DPP10: variants seen among roughly 807,000 people sequenced by gnomAD.
DPP10 encodes the protein dipeptidyl peptidase like 10.
DPP10 carries 33 observed loss-of-function variants against 120.9 expected under a neutral mutation model. The observed-to-expected ratio is 0.27, with a 90% CI of 0.21 to 0.37. The LOEUF is 0.37. Ranked by LOEUF, DPP10 falls within the 10% of genes least tolerant of loss-of-function variation. The pLI is 1.00. For missense variants in DPP10, 816 were observed against 942.8 expected (o/e 0.87, Z 1.76); for synonymous variants, 337 against 326.1 (o/e 1.03, Z -0.36).
chr2:115,648,650 T>G (rs954883320), intron 5 of DPP10, among the ~76,000 whole-genome samples: 1 of 152,044 alleles, frequency 6.6e-6, no homozygotes, highest in African/African-American at 2.4e-5. Context: ...GTAGACAATT[T>G]TTGTCAATTG....
At chr2:115,152,796 C>G (rs1253667145) in intron 1 of DPP10, among the ~76,000 whole-genome samples, 1 of 152,148 alleles carries the variant, frequency 6.6e-6, no homozygotes, top group Admixed American at 6.5e-5. Context: ...TGACATAGAC[C>G]TGCTAAGAAC....
chr2:115,648,911 T>G (rs1277250250), intron 5 of DPP10, among the ~76,000 whole-genome samples: 1 of 152,034 alleles, frequency 6.6e-6, no homozygotes, highest in African/African-American at 2.4e-5. Flanking sequence ...CTTAATAGAT[T>G]AATGGAGTAG....
At chr2:115,790,928 A>G (rs147036740) in intron 17 of DPP10, among the ~76,000 whole-genome samples, 153 bp from the exon 18 acceptor site, 2 of 152,240 alleles carry the variant, frequency 1.3e-5, no homozygotes, top group African/African-American at 4.8e-5. Flanking sequence ...AAGCTTACTT[A>G]GAAAACTGTT....
chr2:115,177,850 G>A (rs1221715213), intron 1 of DPP10, among the ~76,000 whole-genome samples: 2 of 151,976 alleles, frequency 1.3e-5, no homozygotes, highest in African/African-American at 2.4e-5. Context: ...TGCAAGCTCC[G>A]CCTGCCAGGT....
At chr2:114,733,687 G>A (rs944701278) in intron 1 of DPP10, among the ~76,000 whole-genome samples, 12 of 152,082 alleles carry the variant, frequency 7.9e-5, no homozygotes, top group African/African-American at 2.9e-4. Context: ...TGTTTTAGAT[G>A]ACTGATAGTG....
intron 1 of DPP10, among the ~76,000 whole-genome samples, chr2:114,557,452 C>T (rs759406430): frequency 2.0e-5 from 3 of 152,164 alleles, no homozygotes; most frequent in South Asian, 2.1e-4. Flanking sequence ...GAGACCAACA[C>T]GCCATCTTTC....
chr2:115,509,108 A>G (rs1209227796), intron 4 of DPP10, among the ~76,000 whole-genome samples: 1 of 152,090 alleles, frequency 6.6e-6, no homozygotes, highest in Admixed American at 6.6e-5. Flanking sequence ...TAAATTTTCA[A>G]AAATGATCAG....
intron 1 of DPP10, among the ~76,000 whole-genome samples, chr2:114,893,519 C>T (rs1008132728): frequency 9.2e-5 from 14 of 151,844 alleles, no homozygotes; most frequent in African/African-American, 3.4e-4. Flanking sequence ...ACAGGTATAC[C>T]AAGGGGAAGA....
At chr2:115,805,583 T>TA (rs959293393) in intron 19 of DPP10, among the ~76,000 whole-genome samples, 18 of 151,376 alleles carry the variant, frequency 1.2e-4, no homozygotes, top group Admixed American at 9.9e-4. Context: ...CCATTTTTTT[T>TA]TTTTTTTTGA....
intron 1 of DPP10, among the ~76,000 whole-genome samples, chr2:114,634,162 G>A (rs1288495376): frequency 3.3e-5 from 5 of 151,810 alleles, no homozygotes; most frequent in Non-Finnish European, 5.9e-5. Context: ...TAAACCAAAT[G>A]AATTGATAAA....
chr2:115,285,800 G>C (rs1385830926), intron 1 of DPP10, among the ~76,000 whole-genome samples: 2 of 151,968 alleles, frequency 1.3e-5, no homozygotes, highest in African/African-American at 4.8e-5. Context: ...AATTACATTA[G>C]AGCTGCTTCT....
At chr2:114,705,097 T>C (rs2105835765) in intron 1 of DPP10, among the ~76,000 whole-genome samples, 1 of 152,274 alleles carries the variant, frequency 6.6e-6, no homozygotes, top group South Asian at 2.1e-4. Context: ...TATTATGTTA[T>C]GGTAGCCTGA....
At chr2:114,699,704 C>T (rs1436757604) in intron 1 of DPP10, among the ~76,000 whole-genome samples, 1 of 152,030 alleles carries the variant, frequency 6.6e-6, no homozygotes, top group East Asian at 1.9e-4. Context: ...AAATGTGGGA[C>T]TTGAAGGTTT....
At chr2:115,367,181 GGACA>G (rs1244649246) in intron 3 of DPP10, among the ~76,000 whole-genome samples, 4 of 151,918 alleles carry the variant, frequency 2.6e-5, no homozygotes, top group East Asian at 1.9e-4. Context: ...TAGATGTAAT[GGACA>G]GACAGTCAGA....
At chr2:114,646,376 G>A (rs1696138019) in intron 1 of DPP10, among the ~76,000 whole-genome samples, 1 of 151,926 alleles carries the variant, frequency 6.6e-6, no homozygotes, top group South Asian at 2.1e-4. Context: ...AGAACAGGAG[G>A]CCAAAATGGT....
intron 1 of DPP10, among the ~76,000 whole-genome samples, chr2:114,592,249 C>G (rs894226542): frequency 6.6e-6 from 1 of 152,072 alleles, no homozygotes; most frequent in Admixed American, 6.6e-5. Flanking sequence ...GGGAAACTTT[C>G]TAGATTATGA....
chr2:114,971,267 A>C (rs2104788389), intron 1 of DPP10, among the ~76,000 whole-genome samples: 1 of 152,274 alleles, frequency 6.6e-6, no homozygotes, highest in Admixed American at 6.5e-5. Context: ...ACTTTCACAA[A>C]GTGATTTTTT....
chr2:115,005,667 A>C (rs1291185104), intron 1 of DPP10, among the ~76,000 whole-genome samples: 1 of 152,098 alleles, frequency 6.6e-6, no homozygotes, highest in Non-Finnish European at 1.5e-5. Flanking sequence ...AGTTTAGAGA[A>C]AAAAGAATAA....
At chr2:115,223,239 A>G (rs1410088520) in intron 1 of DPP10, among the ~76,000 whole-genome samples, 3 of 152,256 alleles carry the variant, frequency 2.0e-5, no homozygotes, top group Admixed American at 2.0e-4. Flanking sequence ...TTGCTTAAAA[A>G]CATTAATTTT....
Sources: gnomAD v4.1 joint callset for allele counts (sites outside exome capture counted in the v4.1 genomes callset) on GRCh38, gnomAD v4.1.1 for gene constraint, MANE v1.5 for transcripts, NCBI Gene and HGNC (gene_info 2026-07-23, HGNC 2026-07-21) for gene names.